The following RBMS3 variants were observed in gnomAD, a reference collection of about 807,000 sequenced individuals.
RBMS3 encodes the protein RNA binding motif single stranded interacting protein 3.
A neutral mutation model predicts 66.8 loss-of-function variants in RBMS3; 27 were observed. The observed-to-expected ratio is 0.40, with a 90% CI of 0.30 to 0.56. The LOEUF is 0.56. RBMS3 is among the 20% of genes least tolerant of loss of function. The pLI, the probability that RBMS3 is intolerant of heterozygous loss-of-function variation, is 0.40. For missense variants in RBMS3, 513 were observed against 549.5 expected, an observed-to-expected ratio of 0.93 and a Z score of 0.66; for synonymous variants, 188 against 183.0, an observed-to-expected ratio of 1.03 and a Z score of -0.22.
chr3:29,689,834 C>T (rs887844468), intron 4 of RBMS3, among the ~76,000 whole-genome samples: 1 of 138,276 alleles, frequency 7.2e-6, no homozygotes, highest in African/African-American at 2.7e-5. Context: ...AATCCCAACA[C>T]TTTGGGAGGC....
chr3:29,370,341 G>C (rs2038134988), intron 1 of RBMS3, among the ~76,000 whole-genome samples: 1 of 152,164 alleles, frequency 6.6e-6, no homozygotes, highest in Non-Finnish European at 1.5e-5. Context: ...AGAAAGTTCT[G>C]TTCAGGTTGT....
chr3:29,325,089 T>G (rs939433896), intron 1 of RBMS3, among the ~76,000 whole-genome samples: 1 of 152,184 alleles, frequency 6.6e-6, no homozygotes, highest in African/African-American at 2.4e-5. Flanking sequence ...AACTATGGCA[T>G]GTCTGTAAAA....
chr3:29,682,535 T>A (rs983963759), intron 4 of RBMS3, among the ~76,000 whole-genome samples: 3 of 152,174 alleles, frequency 2.0e-5, no homozygotes, highest in African/African-American at 7.2e-5. Flanking sequence ...GGATCCTGTC[T>A]ATACTTAGTG....
At chr3:29,512,719 T>C (rs970103657) in intron 3 of RBMS3, among the ~76,000 whole-genome samples, 7 of 152,264 alleles carry the variant, frequency 4.6e-5, no homozygotes, top group African/African-American at 1.7e-4. Flanking sequence ...TCCTGTTCCT[T>C]GTAGATCAAT....
At chr3:29,479,870 T>C (rs1425213447) in intron 2 of RBMS3, among the ~76,000 whole-genome samples, 1 of 152,240 alleles carries the variant, frequency 6.6e-6, no homozygotes, top group Admixed American at 6.5e-5. Flanking sequence ...TATTTGTTTA[T>C]GGTAATACTG....
intron 6 of RBMS3, among the ~76,000 whole-genome samples, chr3:29,807,609 T>C (rs1188121894): frequency 6.6e-6 from 1 of 151,890 alleles, no homozygotes; most frequent in African/African-American, 2.4e-5. Context: ...TTTTAAAACT[T>C]TTCAGTGTAC....
chr3:29,873,297 C>T lies in RBMS3; in HGVS notation c.744+4333C>T, dbSNP rs191333206. ...GTTTTGTAATTCTCATCATAGAGACCTTTCACCTCCCTAGTTAGCTGTATT... is the reference window on the plus strand; with the variant it reads ...GTTTTGTAATTCTCATCATAGAGACTTTTCACCTCCCTAGTTAGCTGTATT... On this transcript the variant is annotated intron_variant, in intron 7 of 14. Coordinates refer to ENST00000383767, the MANE Select transcript of RBMS3 (RefSeq NM_001003793.3). 8.5e-4 allele frequency among the ~76,000 whole-genome samples: 130 copies of T among 152,128 alleles called. 1 individual carries two copies. In the East Asian group the frequency reaches 0.023, roughly 27 times the overall value.
intron 14 of RBMS3, among the ~76,000 whole-genome samples, chr3:29,997,668 C>T (rs1699334456): frequency 1.3e-5 from 2 of 151,648 alleles, no homozygotes; most frequent in South Asian, 4.2e-4. Context: ...AGACAAAAAC[C>T]ACATGATTAT....
chr3:29,295,272 A>ATT (rs1250358069), intron 1 of RBMS3, among the ~76,000 whole-genome samples: 2 of 56,542 alleles, frequency 3.5e-5, no homozygotes, highest in African/African-American at 6.4e-5. Flanking sequence ...ATTGCAGAAA[A>ATT]TTATATATAT....
At chr3:29,883,276 C>A (rs562499102) in intron 7 of RBMS3, among the ~76,000 whole-genome samples, 1 of 151,970 alleles carries the variant, frequency 6.6e-6, no homozygotes, top group Non-Finnish European at 1.5e-5. Context: ...TGGAAAGGAG[C>A]CCATATCAGA....
At chr3:29,849,043 A>T (rs572193497) in intron 6 of RBMS3, among the ~76,000 whole-genome samples, 94 of 152,056 alleles carry the variant, frequency 6.2e-4, no homozygotes, top group African/African-American at 2.2e-3. Context: ...AGACCTTGAC[A>T]TTTTTTTCTT....
chr3:29,865,448 C>T (rs929895530), intron 6 of RBMS3, among the ~76,000 whole-genome samples: 4 of 152,152 alleles, frequency 2.6e-5, no homozygotes, highest in Admixed American at 2.6e-4. Flanking sequence ...CCATTTACAA[C>T]TTGGAAAAGA....
intron 1 of RBMS3, among the ~76,000 whole-genome samples, chr3:29,380,587 C>G (rs34755664): frequency 6.6e-6 from 1 of 152,060 alleles, no homozygotes; most frequent in East Asian, 1.9e-4. Context: ...TCATAGATAA[C>G]GAAACTGAGT....
intron 2 of RBMS3, among the ~76,000 whole-genome samples, chr3:29,449,982 A>C (rs2041961260): frequency 6.6e-6 from 1 of 152,166 alleles, no homozygotes; most frequent in Non-Finnish European, 1.5e-5. Context: ...TGTTGACAGA[A>C]ATGGAGCAGC....
In RBMS3 at chr3:29,621,928, A is replaced by G. The variant is rs139894610; in HGVS notation, c.399+34723A>G. ...CTAGTCTTCGCTTTTGCTGTAGGAG[A>G]ATCTACATATACTTGTGGAAAACTT... On this transcript the variant is annotated intron_variant, in intron 4 of 14. Coordinates refer to ENST00000383767, the MANE Select transcript of RBMS3 (RefSeq NM_001003793.3). Among the ~76,000 whole-genome samples the G allele has an allele frequency of 3.2e-3, 489 of 152,272 alleles. 7 individuals are homozygous for G. Among genetic ancestry groups the G allele is most frequent in the African/African-American group, 0.011 (471 of 41,540 alleles).
chr3:29,562,840 C>A (rs948791680), intron 3 of RBMS3, among the ~76,000 whole-genome samples: 3 of 152,104 alleles, frequency 2.0e-5, no homozygotes, highest in African/African-American at 7.2e-5. Context: ...AATCTCTAGG[C>A]AAAATTATTG....
chr3:29,465,199 T>A (rs1056131101), intron 2 of RBMS3, among the ~76,000 whole-genome samples: 1 of 152,218 alleles, frequency 6.6e-6, no homozygotes, highest in African/African-American at 2.4e-5. Context: ...GGATGCTTTT[T>A]AATTTTTTTC....
At chr3:29,491,338 T>C (rs1254973266) in intron 3 of RBMS3, among the ~76,000 whole-genome samples, 1 of 152,184 alleles carries the variant, frequency 6.6e-6, no homozygotes, top group Non-Finnish European at 1.5e-5. Flanking sequence ...CTGTGTGCTA[T>C]AGAAAACTTA....
intron 2 of RBMS3, among the ~76,000 whole-genome samples, chr3:29,474,920 A>T (rs886945397): frequency 1.3e-4 from 20 of 152,142 alleles, no homozygotes; most frequent in African/African-American, 4.8e-4. Flanking sequence ...CACACTGGGG[A>T]GTGATGGAAA....
Sources: allele counts gnomAD v4.1 joint callset (sites outside exome capture counted in the v4.1 genomes callset), GRCh38; gene constraint gnomAD v4.1.1; transcripts MANE v1.5; gene names NCBI Gene and HGNC (gene_info 2026-07-23, HGNC 2026-07-21).